TARBP1: variants seen among roughly 807,000 people sequenced by gnomAD.
TARBP1 encodes the protein tRNA guanosine 2 -O-methyltransferase TARBP1, also known as tRNA (guanosine(18)-2'-O)-methyltransferase TARBP1.
TARBP1 carries 144 observed loss-of-function variants against 178.6 expected under a neutral mutation model. That is an observed-to-expected ratio of 0.81 (90% CI 0.70 to 0.93). The LOEUF is 0.93. TARBP1 is among the 40% of genes least tolerant of loss of function. TARBP1 has a pLI of 0.00. For synonymous variants in TARBP1, 787 were observed against 781.0 expected, an observed-to-expected ratio of 1.01 and a Z score of -0.13; for missense variants, 2,067 against 2,011.7, an observed-to-expected ratio of 1.03 and a Z score of -0.53.
intron 5 of TARBP1, among the ~76,000 whole-genome samples, chr1:234,464,354 A>T (rs1361385204): frequency 6.6e-6 from 1 of 152,250 alleles, no homozygotes. Context: ...ATATATTAGT[A>T]ATAAATTACT....
intron 28 of TARBP1, chr1:234,392,821 C>T: frequency 5.1e-6 from 1 of 195,092 alleles, no homozygotes; most frequent in Non-Finnish European, 1.0e-5. Context: ...CGCCATTCTC[C>T]TGCCTCAGCA....
At chr1:234,456,606 C>T (rs1225909211) in intron 9 of TARBP1, among the ~76,000 whole-genome samples, 1 of 152,056 alleles carries the variant, frequency 6.6e-6, no homozygotes, top group African/African-American at 2.4e-5. Flanking sequence ...TAGCAACATG[C>T]TAAAATGCTC....
intron 25 of TARBP1, among the ~76,000 whole-genome samples, chr1:234,399,108 C>T (rs1660421390): frequency 6.6e-6 from 1 of 152,210 alleles, no homozygotes. Flanking sequence ...TTAAAGTGTT[C>T]GTGAACACGG....
At chr1:234,423,458 G>A (rs1441692151) in intron 20 of TARBP1, among the ~76,000 whole-genome samples, 4 of 151,980 alleles carry the variant, frequency 2.6e-5, no homozygotes, top group Admixed American at 2.6e-4. Flanking sequence ...CCTTTTCTAG[G>A]GCAAACTCCT....
At chr1:234,417,647 A>G (rs940152297) in intron 22 of TARBP1, among the ~76,000 whole-genome samples, 1 of 152,246 alleles carries the variant, frequency 6.6e-6, no homozygotes, top group Non-Finnish European at 1.5e-5. Flanking sequence ...GTGAGGGTAC[A>G]GATGAAACAA....
rs1297827525 is a variant in TARBP1 at position 234,393,392 on chromosome 1, GAC to G, written c.4528_4529del (p.Val1510LeufsTer18). Reference sequence around the variant, plus strand: ...CTAGAGGAAGCCACTGTTCTGCAGAGACACTGAGGTGCTGAAACTGTTTGTCG... The same window carrying G: ...CTAGAGGAAGCCACTGTTCTGCAGAGACTGAGGTGCTGAAACTGTTTGTCG... The part of the protein sequence containing the change: ...ISDKQFQHLS[V>X]SAEQWLPLVE... On this transcript the variant is annotated frameshift_variant, in exon 28 of 30. Transcript: ENST00000040877. LOFTEE classifies it high-confidence loss of function. 10 of 1,601,492 alleles carry G rather than the reference GAC, an allele frequency of 6.2e-6. No individual in the cohort carries two copies. The highest frequency in any genetic ancestry group is 1.3e-5 in the African/African-American group (1 of 74,316).
At chr1:234,425,896 G>A (rs1386773281) in intron 19 of TARBP1, 103 bp from the exon 20 acceptor site, 1 of 943,808 alleles carries the variant, frequency 1.1e-6, no homozygotes, top group Non-Finnish European at 1.5e-6. Flanking sequence ...ACCTCTCAAA[G>A]TTTTCTAAAA....
intron 24 of TARBP1, among the ~76,000 whole-genome samples, chr1:234,404,870 C>T (rs1661052635): frequency 6.6e-6 from 1 of 152,098 alleles, no homozygotes; most frequent in Non-Finnish European, 1.5e-5. Flanking sequence ...CTCCCAAGCC[C>T]CTAAAACCTC....
chr1:234,477,294 T>A (rs1669655786), intron 1 of TARBP1, among the ~76,000 whole-genome samples: 1 of 152,248 alleles, frequency 6.6e-6, no homozygotes, highest in African/African-American at 2.4e-5. Context: ...CTCTCAGGGA[T>A]GATCACACCT....
intron 21 of TARBP1, among the ~76,000 whole-genome samples, chr1:234,418,672 A>C (rs901007787): frequency 6.6e-6 from 1 of 152,322 alleles, no homozygotes; most frequent in East Asian, 1.9e-4. Context: ...TGGGCCACTG[A>C]GCCCTCTGTT....
Position 234,456,246 on chromosome 1 carries a change from G to A in TARBP1, c.1722+1421C>T, listed in dbSNP as rs567892831. On this transcript the variant is annotated intron_variant, in intron 9 of 29. Coordinates refer to ENST00000040877, the MANE Select transcript of TARBP1 (RefSeq NM_005646.4). ...GACAGGGTCTCACTCTGTCGTGCACGCTGGAGTGCAGTGGCACGATCTCAG... is the reference window on the plus strand; with the variant it reads ...GACAGGGTCTCACTCTGTCGTGCACACTGGAGTGCAGTGGCACGATCTCAG... Among the ~76,000 whole-genome samples the A allele has an allele frequency of 3.3e-5, 5 of 152,288 alleles. No individual in the cohort carries two copies. In the East Asian group the frequency reaches 5.8e-4, roughly 18 times the overall value.
intron 4 of TARBP1, among the ~76,000 whole-genome samples, chr1:234,466,959 T>G (rs954918425): frequency 5.3e-5 from 8 of 152,236 alleles, no homozygotes; most frequent in Admixed American, 2.0e-4. Flanking sequence ...GAAGTCATCA[T>G]GGGACTCACA....
Position 234,448,514 on chromosome 1 carries a change from C to A in TARBP1, c.1927G>T (p.Ala643Ser). 3 of 1,613,998 alleles carry A rather than the reference C, an allele frequency of 1.9e-6. No homozygotes were observed. The highest frequency in any genetic ancestry group is 2.5e-6 in the Non-Finnish European group (3 of 1,179,996). The change falls in exon 11 of 30, where the codon GCT (alanine) becomes TCT (serine). Residue 643 changes from alanine (A) to serine (S), a missense_variant. By Grantham distance (99) the Ala-to-Ser change is moderately conservative. Transcript: ENST00000040877. ...AKLVSLMVLL[A>S]VDVEGMKTQY... Reference sequence around the variant, plus strand: ...GTCTTCATTCCTTCCACATCCACAGCCAGCAAGACCATCAGAGAAACAAGC... The same window carrying A: ...GTCTTCATTCCTTCCACATCCACAGACAGCAAGACCATCAGAGAAACAAGC...
rs770186807 is a variant in TARBP1, at chr1:234,429,441, T to C, written c.2846A>G (p.His949Arg). Residue 949 changes from histidine to arginine, a missense_variant, in exon 16 of 30, where the codon CAT becomes CGT. Transcript: ENST00000040877. ...CTTGGGAACCAACACTTTCAAGCAA[T>C]GGAACACTGGTAAAACTTGATCAGA... ...LSSDQVLPVF[H>R]CLKVLVPKLL... is the part of the protein sequence containing the mutation. The C allele has an allele frequency of 3.7e-6, 6 of 1,613,368 alleles. No homozygotes were observed. In the Admixed American group the frequency reaches 5.0e-5, roughly 13 times the overall value.
chr1:234,462,687 C>CAAAAAAAA (rs35604890), intron 6 of TARBP1, among the ~76,000 whole-genome samples: 4 of 102,784 alleles, frequency 3.9e-5, no homozygotes, highest in Admixed American at 1.1e-4. Flanking sequence ...GACTTCATCT[C>CAAAAAAAA]AAAAAAAAAA....
chr1:234,451,748 C>CAAAAAAAAAAAAAAAAAAAAAAAAAAAA (rs766485621), intron 9 of TARBP1, among the ~76,000 whole-genome samples: 1 of 6,622 alleles, frequency 1.5e-4, no homozygotes, highest in Non-Finnish European at 2.2e-4. Flanking sequence ...GACTCCGTCT[C>CAAAAAAAAAAAAAAAAAAAAAAAAAAAA]AAAAAAAAAA....
At chr1:234,425,963 A>G (rs1293722818) in intron 19 of TARBP1, among the ~76,000 whole-genome samples, 170 bp from the exon 20 acceptor site, 4 of 152,250 alleles carry the variant, frequency 2.6e-5, no homozygotes, top group Non-Finnish European at 5.9e-5. Flanking sequence ...ATAACAGAAG[A>G]TAACAAATGA....
At position 234,478,827 on chromosome 1, in the gene TARBP1, G is replaced by C. The variant is rs1168636812; in HGVS notation, c.277C>G (p.Arg93Gly). Residue 93 changes from arginine to glycine, a missense_variant, in exon 1 of 30, where the codon CGC becomes GGC. By Grantham distance (125) the Arg-to-Gly change is moderately radical. Transcript: ENST00000040877. ...GPDPSLQPRH[R>G]RRVLRAAGAA... ...CCCGCCGCCCTCAGCACGCGCCGGCGGTGGCGAGGCTGCAGACTGGGGTCC... is the reference window on the plus strand; with the variant it reads ...CCCGCCGCCCTCAGCACGCGCCGGCCGTGGCGAGGCTGCAGACTGGGGTCC... 3 of 1,189,144 alleles carry C rather than the reference G, an allele frequency of 2.5e-6. No individual in the cohort carries two copies. 73.7% of individuals were successfully genotyped at this position (1,189,144 alleles called of 1,614,324 possible). A position where few individuals can be genotyped will look rare whatever the true frequency, so the allele number is the denominator to read the frequency against.
chr1:234,469,095 A>G (rs1668791982), intron 3 of TARBP1, among the ~76,000 whole-genome samples: 1 of 116,622 alleles, frequency 8.6e-6, no homozygotes, highest in Non-Finnish European at 1.7e-5. Flanking sequence ...AAAAAAAGGC[A>G]AAAACCGCAA....
Sources: allele counts gnomAD v4.1 joint callset (sites outside exome capture counted in the v4.1 genomes callset), GRCh38; gene constraint gnomAD v4.1.1; transcripts MANE v1.5; gene names NCBI Gene and HGNC (gene_info 2026-07-23, HGNC 2026-07-21).